TLE7: variants seen among roughly 807,000 people sequenced by gnomAD.
TLE7 encodes the protein TLE family member 7.
Position 71,432,679 on chromosome 16 carries a change from A to G in TLE7, c.379T>C (p.Leu127=), listed in dbSNP as rs111380228. 2.8e-4 allele frequency: 113 copies of G among 398,702 alleles called. No individual in the cohort carries two copies. Among genetic ancestry groups the G allele is most frequent in the African/African-American group, 1.9e-3 (95 of 48,762 alleles). The allele number at this position is 398,702 out of a possible 1,614,324, so 24.7% of individuals were successfully genotyped here. Residue 127 remains leucine (L), a synonymous_variant, in exon 4 of 10, where the codon TTG becomes CTG. Coordinates refer to ENST00000561754, the MANE Select transcript of TLE7 (RefSeq NM_001367365.2). ...TGGACACTTACAATTGCTCTGAGCA[A>G]TGAGAGGACTTCTTCACTGGGAGAG... ...SSSPSEEVLS[L]LRAIPPIPDE...
intron 1 of TLE7, among the ~76,000 whole-genome samples, chr16:71,439,501 T>C (rs1342912284): frequency 6.6e-6 from 1 of 151,050 alleles, no homozygotes; most frequent in African/African-American, 2.4e-5. Flanking sequence ...GGTTCTGAGC[T>C]GGGGGAGACA....
intron 1 of TLE7, among the ~76,000 whole-genome samples, chr16:71,441,542 G>C (rs897660260): frequency 6.6e-6 from 1 of 152,248 alleles, no homozygotes; most frequent in Non-Finnish European, 1.5e-5. Flanking sequence ...TCCAGCCCTC[G>C]CTTGGCCGGC....
intron 1 of TLE7, among the ~76,000 whole-genome samples, chr16:71,439,512 T>C (rs943854658): frequency 1.1e-4 from 16 of 151,512 alleles, no homozygotes; most frequent in Non-Finnish European, 2.1e-4. Flanking sequence ...GGGGGAGACA[T>C]AATCAGAGTT....
intron 1 of TLE7, among the ~76,000 whole-genome samples, chr16:71,435,313 A>G (rs1178535650): frequency 1.3e-5 from 2 of 152,178 alleles, no homozygotes; most frequent in Non-Finnish European, 1.5e-5. Flanking sequence ...CAGGAGGCTG[A>G]GGCAGGAGAA....
chr16:71,430,798 G>C (rs1446734727), intron 8 of TLE7, 57 bp from the exon 9 acceptor site: 2 of 397,980 alleles, frequency 5.0e-6, no homozygotes, highest in Non-Finnish European at 8.9e-6. Context: ...TCTAGTTCCA[G>C]CACTGTCCCC....
chr16:71,430,611 G>A (rs2042797911), intron 9 of TLE7, 57 bp downstream of exon 9: 1 of 398,258 alleles, frequency 2.5e-6, no homozygotes, highest in African/African-American at 2.1e-5. Flanking sequence ...AACCAACTGG[G>A]ACCTGGAGCT....
Position 71,431,552 on chromosome 16 carries a change from C to T in TLE7, c.862G>A (p.Val288Ile), listed in dbSNP as rs1402881253. ...QNQILIRKHE[V>I]PVYGSRCVDI... ...ACACATCGGGACCCGTATACAGGAA[C>T]TTCGTGCTTCCTGGTGGGTGGGAAA... The change falls in exon 7 of 10, where the codon GTT (valine) becomes ATT (isoleucine). Residue 288 changes from valine to isoleucine, a missense_variant. Physicochemically the swap from Val to Ile is conservative, Grantham distance 29. Coordinates refer to ENST00000561754, the MANE Select transcript of TLE7 (RefSeq NM_001367365.2). The surrounding 1 kb of genome is among the most constrained non-coding windows in gnomAD (Gnocchi z 4.5). 4 of 400,706 alleles carry T rather than the reference C, an allele frequency of 1.0e-5. No individual in the cohort carries two copies. Among genetic ancestry groups the T allele is most frequent in the African/African-American group, 4.1e-5 (2 of 48,694 alleles). 24.8% of individuals were successfully genotyped at this position (400,706 alleles called of 1,614,324 possible).
At chr16:71,435,793 G>A (rs903933675) in intron 1 of TLE7, among the ~76,000 whole-genome samples, 11 of 152,120 alleles carry the variant, frequency 7.2e-5, no homozygotes, top group African/African-American at 2.7e-4. Context: ...ATAATTTAAC[G>A]CACTCTCCTT....
intron 1 of TLE7, among the ~76,000 whole-genome samples, chr16:71,434,958 G>C (rs182294280): frequency 6.6e-6 from 1 of 152,336 alleles, no homozygotes; most frequent in East Asian, 1.9e-4. Flanking sequence ...ACAATATTGG[G>C]ACATTGTTTG....
chr16:71,439,035 C>A (rs188783584), intron 1 of TLE7, among the ~76,000 whole-genome samples: 11 of 152,342 alleles, frequency 7.2e-5, no homozygotes, highest in Non-Finnish European at 1.6e-4. Context: ...ATCCCCGTGG[C>A]CAGTTGGCAC....
chr16:71,434,454 G>A (rs1421371317), intron 1 of TLE7, among the ~76,000 whole-genome samples: 5 of 152,230 alleles, frequency 3.3e-5, no homozygotes, highest in East Asian at 1.9e-4. Context: ...GACAATGCGC[G>A]GGGAAAGGAT....
At chr16:71,430,606 A>C in intron 9 of TLE7, 62 bp downstream of exon 9, 1 of 398,136 alleles carries the variant, frequency 2.5e-6, no homozygotes, top group Non-Finnish European at 4.4e-6. Context: ...AATCCAACCA[A>C]CTGGGACCTG....
In TLE7 at chr16:71,441,458, G is replaced by A. The variant is rs537284482; in HGVS notation, c.-97+511C>T. Among the ~76,000 whole-genome samples, 119 of 152,230 alleles carry A rather than the reference G, an allele frequency of 7.8e-4. 1 individual carries two copies. The highest frequency in any genetic ancestry group is 1.3e-3 in the Non-Finnish European group (90 of 68,028). ...GCGGCGTGCGCGGCCGGGCTTGCTA[G>A]GTTAGGGACCCGCTGCCCCAGGACT... On this transcript the variant is annotated intron_variant, in intron 1 of 9. Coordinates refer to ENST00000561754, the MANE Select transcript of TLE7 (RefSeq NM_001367365.2).
intron 1 of TLE7, among the ~76,000 whole-genome samples, chr16:71,438,681 C>CAAAAAAAAA: frequency 1.5e-5 from 1 of 65,764 alleles, no homozygotes; most frequent in Non-Finnish European, 3.0e-5. Context: ...GACTCCATCT[C>CAAAAAAAAA]AAAAAAAAAA....
At chr16:71,440,238 T>A (rs1221824717) in intron 1 of TLE7, among the ~76,000 whole-genome samples, 3 of 152,232 alleles carry the variant, frequency 2.0e-5, no homozygotes, top group Non-Finnish European at 4.4e-5. Flanking sequence ...CTGGAATTCC[T>A]TTTGGGATGA....
At chr16:71,441,535 A>T (rs983690535) in intron 1 of TLE7, among the ~76,000 whole-genome samples, 1 of 152,234 alleles carries the variant, frequency 6.6e-6, no homozygotes, top group African/African-American at 2.4e-5. Flanking sequence ...GGCAGGGTCC[A>T]GCCCTCGCTT....
rs1397610861 is a variant in TLE7 at position 71,431,353 on chromosome 16, T to TC, written c.993+67dup. ...TTGTGCCCACCTCTCAAGCTCACAC[T>TC]CCCACCCCTGCCTCCATGCATGGCT... On this transcript the variant is annotated intron_variant, in intron 7 of 9. Coordinates refer to ENST00000561754, the MANE Select transcript of TLE7 (RefSeq NM_001367365.2). The surrounding 1 kb of genome is among the most constrained non-coding windows in gnomAD (Gnocchi z 4.5). 1 of 399,340 alleles carries TC rather than the reference T, an allele frequency of 2.5e-6. No homozygotes were observed. Among genetic ancestry groups the TC allele is most frequent in the Non-Finnish European group, 4.4e-6 (1 of 226,256 alleles). The allele number at this position is 399,340 out of a possible 1,614,324, so 24.7% of individuals were successfully genotyped here. A position where few individuals can be genotyped will look rare whatever the true frequency, so the allele number is the denominator to read the frequency against.
chr16:71,436,071 C>T (rs1357438764), intron 1 of TLE7, among the ~76,000 whole-genome samples: 1 of 152,124 alleles, frequency 6.6e-6, no homozygotes, highest in Non-Finnish European at 1.5e-5. Context: ...ACACAGAGCT[C>T]CCCACCCTCT....
chr16:71,437,831 C>T (rs934785418), intron 1 of TLE7, among the ~76,000 whole-genome samples: 3 of 152,104 alleles, frequency 2.0e-5, no homozygotes, highest in Non-Finnish European at 2.9e-5. Flanking sequence ...AATCTTTTAC[C>T]ACCCCTGACC....
Sources: gnomAD v4.1 joint callset for allele counts (sites outside exome capture counted in the v4.1 genomes callset) on GRCh38, gnomAD v4.1.1 for gene constraint, Gnocchi (gnomAD v3.1) non-coding constraint, MANE v1.5 for transcripts, NCBI Gene and HGNC (gene_info 2026-07-23, HGNC 2026-07-21) for gene names.